Variants in RFX7 observed in about 807,000 individuals in gnomAD.
RFX7 encodes the protein DNA-binding protein RFX7.
A neutral mutation model predicts 111.8 loss-of-function variants in RFX7; 26 were observed. That is an observed-to-expected ratio of 0.23 (90% CI 0.17 to 0.32). The LOEUF (loss-of-function observed/expected upper bound fraction) is 0.32, where lower values mean the gene tolerates loss of function less well. Among genes scored for constraint, RFX7 ranks in the 10% least tolerant of loss-of-function variants. The pLI, the probability that RFX7 is intolerant of heterozygous loss-of-function variation, is 1.00. For synonymous variants in RFX7, 624 were observed against 624.4 expected, an observed-to-expected ratio of 1.00 and a Z score of 0.01; for missense variants, 1,573 against 1,772.9, an observed-to-expected ratio of 0.89 and a Z score of 2.02.
chr15:56,241,931 A>G (rs1371939825), intron 2 of RFX7, among the ~76,000 whole-genome samples: 1 of 152,250 alleles, frequency 6.6e-6, no homozygotes, highest in African/African-American at 2.4e-5. Context: ...TCATGACGGC[A>G]TGGATGCATG....
At chr15:56,224,397 C>T (rs2043458559) in intron 2 of RFX7, among the ~76,000 whole-genome samples, 2 of 151,788 alleles carry the variant, frequency 1.3e-5, no homozygotes, top group African/African-American at 4.8e-5. Flanking sequence ...TATCATCACT[C>T]CCAACATTAA....
chr15:56,211,781 C>T (rs2043315492), intron 2 of RFX7, among the ~76,000 whole-genome samples: 1 of 152,016 alleles, frequency 6.6e-6, no homozygotes, highest in South Asian at 2.1e-4. Flanking sequence ...AGAGATGCTC[C>T]ATATCATGAG....
chr15:56,139,240 C>G (rs1432053672), intron 5 of RFX7, among the ~76,000 whole-genome samples: 6 of 151,014 alleles, frequency 4.0e-5, no homozygotes, highest in African/African-American at 1.2e-4. Flanking sequence ...CTCCCCATCA[C>G]TTTCAGGTAC....
At chr15:56,104,804 TAAA>T (rs58659248) in intron 5 of RFX7, among the ~76,000 whole-genome samples, 147,813 of 152,130 alleles carry the variant, frequency 0.97, 71,956 homozygotes, top group East Asian at 1. Flanking sequence ...CCCCTGGGGT[TAAA>T]AGATGGGAAG....
chr15:56,198,928 A>G (rs1179860045), intron 2 of RFX7, among the ~76,000 whole-genome samples: 1 of 152,116 alleles, frequency 6.6e-6, no homozygotes, highest in Non-Finnish European at 1.5e-5. Context: ...TGGGAGGCCA[A>G]GATGGAAGGA....
chr15:56,142,978 C>T (rs1251870432), intron 4 of RFX7, 78 bp from the exon 5 acceptor site: 40 of 1,494,322 alleles, frequency 2.7e-5, no homozygotes, highest in Non-Finnish European at 3.3e-5. Flanking sequence ...AAATGTTCCA[C>T]TAAAGAACTG....
At chr15:56,223,513 C>A (rs2043447895) in intron 2 of RFX7, among the ~76,000 whole-genome samples, 1 of 152,122 alleles carries the variant, frequency 6.6e-6, no homozygotes, top group Non-Finnish European at 1.5e-5. Context: ...TGTCTTTTAT[C>A]CACTTTTACA....
At chr15:56,101,238 A>AGAGT in intron 8 of RFX7, 121 bp downstream of exon 8, 1 of 763,358 alleles carries the variant, frequency 1.3e-6, no homozygotes, top group Non-Finnish European at 2.2e-6. Flanking sequence ...AAGCGGAGTA[A>AGAGT]GAGTGAACAC....
rs1269429202 is a variant in RFX7 at position 56,094,992 on chromosome 15, C to A, written c.2736G>T (p.Met912Ile). Residue 912 changes from methionine (M) to isoleucine (I), a missense_variant, in exon 10 of 10, where the codon ATG becomes ATT. Met to Ile is a conservative substitution (Grantham distance 10, BLOSUM62 1). This residue lies in a region of RFX7 where 625 missense variants were observed against 632.2 expected (regional missense o/e 0.99). Coordinates refer to ENST00000559447, the MANE Select transcript of RFX7 (RefSeq NM_022841.7). ...GAGTTACTGACTGACTCTGAAGGGTCATTCCCAAACAGTTGCCGTAAGAAT... is the reference window on the plus strand; with the variant it reads ...GAGTTACTGACTGACTCTGAAGGGTAATTCCCAAACAGTTGCCGTAAGAAT... ...NSHSYGNCLG[M>I]TLQSQSVTPG... 6.2e-7 allele frequency: 1 copy of A among 1,612,470 alleles called. No homozygotes were observed. The highest frequency in any genetic ancestry group is 8.5e-7 in the Non-Finnish European group (1 of 1,179,206).
rs1219219098 is a variant in RFX7, at chr15:56,096,244, A to C, written c.1484T>G (p.Val495Gly). The change falls in exon 10 of 10, where the codon GTC (valine) becomes GGC (glycine). Residue 495 changes from valine (V) to glycine (G), a missense_variant. Val to Gly is a moderately radical substitution (Grantham distance 109). Coordinates refer to ENST00000559447, the MANE Select transcript of RFX7 (RefSeq NM_022841.7). Reference sequence around the variant, plus strand: ...TTCTGTTGTTCCTGTAGCACTGCTGACTGAGGCAGAATGTTTAAGAGGGGT... The same window carrying C: ...TTCTGTTGTTCCTGTAGCACTGCTGCCTGAGGCAGAATGTTTAAGAGGGGT... ...SNTPLKHSAS[V>G]SSATGTTEES... 3 of 1,613,802 alleles carry C rather than the reference A, an allele frequency of 1.9e-6. No individual in the cohort carries two copies. Among genetic ancestry groups the C allele is most frequent in the Non-Finnish European group, 2.5e-6 (3 of 1,179,878 alleles).
chr15:56,238,776 A>G (rs75032001), intron 2 of RFX7, among the ~76,000 whole-genome samples: 1 of 152,128 alleles, frequency 6.6e-6, no homozygotes, highest in Non-Finnish European at 1.5e-5. Flanking sequence ...CAAGTTGACT[A>G]TCTCTTATCT....
At chr15:56,142,938 C>A (rs762252424) in intron 4 of RFX7, 38 bp from the exon 5 acceptor site, 13 of 1,607,846 alleles carry the variant, frequency 8.1e-6, no homozygotes, top group Non-Finnish European at 1.1e-5. Flanking sequence ...GACCAGACAG[C>A]AATTCATTAA....
At chr15:56,204,283 T>C (rs2043227554) in intron 2 of RFX7, among the ~76,000 whole-genome samples, 2 of 152,142 alleles carry the variant, frequency 1.3e-5, no homozygotes, top group African/African-American at 2.4e-5. Context: ...CCTCCCAAAG[T>C]GTTGGGATTA....
chr15:56,113,174 A>G (rs1249811835), intron 5 of RFX7, among the ~76,000 whole-genome samples: 1 of 152,224 alleles, frequency 6.6e-6, no homozygotes, highest in African/African-American at 2.4e-5. Flanking sequence ...AGGAATATAA[A>G]TCATTCTATT....
chr15:56,094,932 G>C lies in RFX7; in HGVS notation c.2796C>G (p.Thr932=), dbSNP rs1233982448. ...GAPMSSHTSS[T]HFYHPIHSNG... ...TGCTGTGGATTGGATGATAGAAGTG[G>C]GTGCTGGAAGTGTGAGATGACATTG... is the stretch of plus-strand genomic sequence containing the variant. Residue 932 remains threonine, a synonymous_variant, in exon 10 of 10, where the codon ACC becomes ACG. Transcript: ENST00000559447. 4 of 1,592,488 alleles carry C rather than the reference G, an allele frequency of 2.5e-6. No homozygotes were observed. The African/African-American group carries it at 4.0e-5, about 16-fold the overall frequency.
intron 5 of RFX7, among the ~76,000 whole-genome samples, chr15:56,131,271 C>CTTT (rs140251962): frequency 9.5e-5 from 7 of 74,048 alleles, no homozygotes; most frequent in African/African-American, 3.7e-4. Flanking sequence ...TATTAGGTAT[C>CTTT]TTTTTTTTTT....
At chr15:56,241,038 C>T (rs749249259) in intron 2 of RFX7, among the ~76,000 whole-genome samples, 22 of 151,518 alleles carry the variant, frequency 1.5e-4, no homozygotes, top group Non-Finnish European at 2.9e-4. Context: ...TTGTTTATTC[C>T]GAAATTTTAA....
intron 3 of RFX7, among the ~76,000 whole-genome samples, chr15:56,148,542 T>A (rs1198877710): frequency 4.6e-5 from 7 of 152,198 alleles, no homozygotes; most frequent in African/African-American, 1.7e-4. Context: ...GGTGTTTGAA[T>A]CCTGCCACGC....
chr15:56,228,206 G>C (rs2043507638), intron 2 of RFX7, among the ~76,000 whole-genome samples: 1 of 151,618 alleles, frequency 6.6e-6, no homozygotes, highest in South Asian at 2.1e-4. Context: ...ACCATGCTTG[G>C]TGTCCTCTGA....
Sources: gnomAD v4.1 joint callset for allele counts (sites outside exome capture counted in the v4.1 genomes callset) on GRCh38, gnomAD v4.1.1 for gene constraint, gnomAD v4.1.1 regional missense constraint, MANE v1.5 for transcripts, NCBI Gene and HGNC (gene_info 2026-07-23, HGNC 2026-07-21) for gene names.